The following ZNF462 variants were observed in gnomAD, a reference collection of about 807,000 sequenced individuals.
The protein encoded by ZNF462 is zinc finger protein 462.
ZNF462 carries 10 observed loss-of-function variants against 201.9 expected under a neutral mutation model. The observed-to-expected ratio is 0.05, with a 90% confidence interval of 0.03 to 0.08. The LOEUF (loss-of-function observed/expected upper bound fraction) is 0.08, where lower values mean the gene tolerates loss of function less well. Ranked by LOEUF, ZNF462 falls within the 10% of genes least tolerant of loss-of-function variation. ZNF462 has a pLI of 1.00. For missense variants in ZNF462, 2,523 were observed against 3,168.3 expected, an observed-to-expected ratio of 0.80 and a Z score of 4.89; for synonymous variants, 1,227 against 1,193.3, an observed-to-expected ratio of 1.03 and a Z score of -0.58.
At chr9:106,969,558 G>T (rs1177305412) in intron 7 of ZNF462, among the ~76,000 whole-genome samples, 1 of 152,104 alleles carries the variant, frequency 6.6e-6, no homozygotes, top group Non-Finnish European at 1.5e-5. Flanking sequence ...CATTCATCTG[G>T]CTTATCATCT....
At chr9:106,971,880 T>G in intron 7 of ZNF462, 125 bp from the exon 8 acceptor site, 1 of 1,201,312 alleles carries the variant, frequency 8.3e-7, no homozygotes, top group Non-Finnish European at 1.2e-6. Flanking sequence ...ATAAACAATT[T>G]CCGTTTGTCA....
chr9:106,929,818 T>A lies in ZNF462; in HGVS notation c.5847+59T>A. ...AGGCCTCTCATCACTGGTGCCCACA[T>A]GCACTTCTTCGTTGCCAGCCAAACT... On this transcript the variant is annotated intron_variant, in intron 3 of 12. Coordinates refer to ENST00000277225, the MANE Select transcript of ZNF462 (RefSeq NM_021224.6). This position sits in a 1 kb window ranked among gnomAD's most constrained non-coding sequence, Gnocchi z 8.7. 6.8e-7 allele frequency: 1 copy of A among 1,480,942 alleles called. No homozygotes were observed. Among genetic ancestry groups the A allele is most frequent in the Non-Finnish European group, 9.2e-7 (1 of 1,091,568 alleles). The allele number at this position is 1,480,942 out of a possible 1,614,324, so 91.7% of individuals were successfully genotyped here.
rs991306571 is a variant in ZNF462 at position 106,972,625 on chromosome 9, C to A, written c.6695+353C>A. Among the ~76,000 whole-genome samples, 3 of 152,122 alleles carry A rather than the reference C, an allele frequency of 2.0e-5. No homozygotes were observed. The highest frequency in any genetic ancestry group is 7.2e-5 in the African/African-American group (3 of 41,422). ...TTAGCTTTGGAAAAAAAAGTATGTTCTTGGAAGCAAAGTCAAAGTCAAGAG... is the reference window on the plus strand; with the variant it reads ...TTAGCTTTGGAAAAAAAAGTATGTTATTGGAAGCAAAGTCAAAGTCAAGAG... On this transcript the variant is annotated intron_variant, in intron 8 of 12. Transcript: ENST00000277225. The surrounding 1 kb of genome is among the most constrained non-coding windows in gnomAD (Gnocchi z 4.8).
At chr9:106,934,115 A>G (rs1394827345) in intron 5 of ZNF462, among the ~76,000 whole-genome samples, 3 of 152,176 alleles carry the variant, frequency 2.0e-5, no homozygotes, top group Admixed American at 6.5e-5. Context: ...GGGCCTTTAA[A>G]TATTACTTAA....
intron 1 of ZNF462, among the ~76,000 whole-genome samples, chr9:106,897,088 A>G (rs1447204903): frequency 6.6e-6 from 1 of 152,246 alleles, no homozygotes; most frequent in African/African-American, 2.4e-5. Flanking sequence ...CCACATACTA[A>G]TAAAAATCAC....
At position 107,012,947 on chromosome 9, in the gene ZNF462, G is replaced by A. The variant is rs1830007019; in HGVS notation, c.*1917G>A. The A allele has an allele frequency of 6.6e-6, 1 of 151,590 alleles. No individual in the cohort carries two copies. Among genetic ancestry groups the A allele is most frequent in the African/African-American group, 2.4e-5 (1 of 41,302 alleles). 9.4% of individuals were successfully genotyped at this position (151,590 alleles called of 1,614,324 possible). A position where few individuals can be genotyped will look rare whatever the true frequency, so the allele number is the denominator to read the frequency against. On this transcript the variant is annotated 3_prime_UTR_variant, in exon 13 of 13. Transcript: ENST00000277225. The stretch of plus-strand genomic sequence containing the variant: ...AATTTAATTTTTTTAAGGGATGGGG[G>A]CCATCATGTGGAAACCAGAAAATGG...
intron 9 of ZNF462, among the ~76,000 whole-genome samples, chr9:106,976,986 G>A (rs558631023): frequency 1.3e-5 from 2 of 152,312 alleles, no homozygotes; most frequent in East Asian, 3.9e-4. Flanking sequence ...GAGAGAGGTA[G>A]TATCACCCTG....
intron 7 of ZNF462, among the ~76,000 whole-genome samples, chr9:106,953,636 C>T (rs1181136840): frequency 1.3e-5 from 2 of 152,082 alleles, no homozygotes; most frequent in African/African-American, 4.8e-5. Flanking sequence ...GTCCTCAGTT[C>T]TCTTTGCACT....
chr9:106,909,996 A>G (rs1829475657), intron 1 of ZNF462, among the ~76,000 whole-genome samples: 1 of 152,124 alleles, frequency 6.6e-6, no homozygotes, highest in Non-Finnish European at 1.5e-5. Flanking sequence ...AAACCTTCTT[A>G]TCTGTCATCT....
chr9:106,938,687 A>G lies in ZNF462; in HGVS notation c.6236-229A>G, dbSNP rs1472200281. Among the ~76,000 whole-genome samples, 1 of 152,188 alleles carries G rather than the reference A, an allele frequency of 6.6e-6. No individual in the cohort carries two copies. Among genetic ancestry groups the G allele is most frequent in the Non-Finnish European group, 1.5e-5 (1 of 68,032 alleles). The stretch of plus-strand genomic sequence containing the variant: ...CTTCACTCCTGTAAGCAGAGCCCAA[A>G]ATGAAAAAGGACCAGTTCACTAGAT... On this transcript the variant is annotated intron_variant, in intron 6 of 12. Coordinates refer to ENST00000277225, the MANE Select transcript of ZNF462 (RefSeq NM_021224.6). This position sits in a 1 kb window ranked among gnomAD's most constrained non-coding sequence, Gnocchi z 4.4.
chr9:106,995,374 A>G (rs1305956161), intron 10 of ZNF462: 1 of 152,122 alleles, frequency 6.6e-6, no homozygotes, highest in Non-Finnish European at 1.5e-5. Flanking sequence ...TTTTGAAAAA[A>G]ATTCGGAAAG....
At position 106,929,253 on chromosome 9, in the gene ZNF462, G is replaced by A; in HGVS notation, c.5341G>A (p.Gly1781Ser). 6.2e-7 allele frequency: 1 copy of A among 1,614,128 alleles called. No homozygotes were observed. The highest frequency in any genetic ancestry group is 8.5e-7 in the Non-Finnish European group (1 of 1,180,036). Residue 1781 changes from glycine (G) to serine (S), a missense_variant, in exon 3 of 13, where the codon GGC becomes AGC. By Grantham distance (56) the Gly-to-Ser change is moderately conservative. This residue lies in a region of ZNF462 where 207 missense variants were observed against 231.6 expected (regional missense o/e 0.89). Coordinates refer to ENST00000277225, the MANE Select transcript of ZNF462 (RefSeq NM_021224.6). The surrounding 1 kb of genome is among the most constrained non-coding windows in gnomAD (Gnocchi z 8.7). Reference sequence around the variant, plus strand: ...CTCTTTCCAGTCGTTCAGCAAGAAGGGCATCGTGTCCCATTACATGAAACG... The same window carrying A: ...CTCTTTCCAGTCGTTCAGCAAGAAGAGCATCGTGTCCCATTACATGAAACG... ...LCSFQSFSKK[G>S]IVSHYMKRHP...
In ZNF462 at chr9:106,935,639, G is replaced by C. The variant is rs776649811; in HGVS notation, c.6235+18G>C. 5 of 1,576,710 alleles carry C rather than the reference G, an allele frequency of 3.2e-6. No individual in the cohort carries two copies. Among genetic ancestry groups the C allele is most frequent in the Non-Finnish European group, 2.6e-6 (3 of 1,146,080 alleles). On this transcript the variant is annotated intron_variant, in intron 6 of 12. Coordinates refer to ENST00000277225, the MANE Select transcript of ZNF462 (RefSeq NM_021224.6). The surrounding 1 kb of genome is among the most constrained non-coding windows in gnomAD (Gnocchi z 4.1). The stretch of plus-strand genomic sequence containing the variant: ...TCATGCTGGTGAGTTGTGCATTGAT[G>C]ATGCACAAGTTCTTTAGCACTCTCT...
In ZNF462 at chr9:107,009,391, G is replaced by T. The variant is rs1829787502; in HGVS notation, c.7190-154G>T. 1 of 1,050,450 alleles carries T rather than the reference G, an allele frequency of 9.5e-7. No individual in the cohort carries two copies. The highest frequency in any genetic ancestry group is 2.5e-5 in the Admixed American group (1 of 39,906). 65.1% of individuals were successfully genotyped at this position (1,050,450 alleles called of 1,614,324 possible). A position where few individuals can be genotyped will look rare whatever the true frequency, so the allele number is the denominator to read the frequency against. ...ATGCTATTCAAGGAATGCCCTAAGG[G>T]GGAAACCTAAGAAAAAGTGAGGAAT... On this transcript the variant is annotated intron_variant, in intron 11 of 12. Transcript: ENST00000277225. The surrounding 1 kb of genome is among the most constrained non-coding windows in gnomAD (Gnocchi z 6.1).
chr9:106,926,335 A>G lies in ZNF462; in HGVS notation c.2423A>G (p.Lys808Arg), dbSNP rs755209596. 5 of 1,614,186 alleles carry G rather than the reference A, an allele frequency of 3.1e-6. No homozygotes were observed. Among genetic ancestry groups the G allele is most frequent in the Non-Finnish European group, 4.2e-6 (5 of 1,180,032 alleles). Reference protein sequence around the residue: ...EDYYGSSTNLKDHQVSNTALL... With the variant: ...EDYYGSSTNLRDHQVSNTALL... ...TATTATGGCTCCTCAACAAACTTGA[A>G]AGATCACCAAGTTTCCAATACTGCT... is the stretch of plus-strand genomic sequence containing the variant. The change falls in exon 3 of 13, where the codon AAA (lysine) becomes AGA (arginine). Residue 808 changes from lysine (K) to arginine (R), a missense_variant. This residue lies in a region of ZNF462 where 383 missense variants were observed against 453.4 expected (regional missense o/e 0.84). Transcript: ENST00000277225. This position sits in a 1 kb window ranked among gnomAD's most constrained non-coding sequence, Gnocchi z 7.9.
chr9:106,926,620 A>G lies in ZNF462; in HGVS notation c.2708A>G (p.Gln903Arg), dbSNP rs1375291246. The G allele has an allele frequency of 3.1e-6, 5 of 1,614,012 alleles. No individual in the cohort carries two copies. The Admixed American group carries it at 5.0e-5, about 16-fold the overall frequency. Residue 903 changes from glutamine (Q) to arginine (R), a missense_variant, in exon 3 of 13, where the codon CAG becomes CGG. Transcript: ENST00000277225. The surrounding 1 kb of genome is among the most constrained non-coding windows in gnomAD (Gnocchi z 7.9). ...IDYTNFEDLQ[Q>R]HYGEHHPEAM... is the part of the protein sequence containing the mutation. ...TACACCAACTTCGAAGATCTCCAGC[A>G]GCATTATGGCGAGCACCACCCAGAA...
chr9:106,864,058 C>CTCTCTCTCTG (rs1827188754), intron 1 of ZNF462, among the ~76,000 whole-genome samples: 1 of 78,014 alleles, frequency 1.3e-5, no homozygotes. Context: ...CTCTCTCTCT[C>CTCTCTCTCTG]TCTCTCTCTC....
rs145729909 is a variant in ZNF462 at position 106,901,836 on chromosome 9, A to T, written c.-30-21518A>T. ...TCTGGAGGAGTTCTTAGGGTTTTCA[A>T]GGTAAACAATCCTATTGTCAGCAAA... On this transcript the variant is annotated intron_variant, in intron 1 of 12. Transcript: ENST00000277225. Among the ~76,000 whole-genome samples the T allele has an allele frequency of 3.9e-4, 59 of 152,258 alleles. 1 individual carries two copies. The East Asian group carries it at 0.01, about 26-fold the overall frequency.
chr9:106,884,782 G>A (rs1009051190), intron 1 of ZNF462, among the ~76,000 whole-genome samples: 7 of 152,152 alleles, frequency 4.6e-5, no homozygotes, highest in South Asian at 2.1e-4. Flanking sequence ...CTTGTTGACC[G>A]AGGACTTGTT....
Sources: allele counts gnomAD v4.1 joint callset (sites outside exome capture counted in the v4.1 genomes callset), GRCh38; gene constraint gnomAD v4.1.1; regional missense constraint gnomAD v4.1.1; non-coding constraint Gnocchi (gnomAD v3.1); transcripts MANE v1.5; gene names NCBI Gene and HGNC (gene_info 2026-07-23, HGNC 2026-07-21).